The following TMEM131L variants were observed in gnomAD, a reference collection of about 807,000 sequenced individuals.
TMEM131L encodes transmembrane 131 like.
TMEM131L carries 54 observed loss-of-function variants against 192.2 expected under a neutral mutation model. The ratio of observed to expected loss-of-function variants is 0.28; its 90% CI spans 0.23 to 0.35. TMEM131L has a LOEUF of 0.35. Among genes scored for constraint, TMEM131L ranks in the 10% least tolerant of loss-of-function variants. The pLI, the probability that TMEM131L is intolerant of heterozygous loss-of-function variation, is 1.00. For synonymous variants in TMEM131L, 701 were observed against 704.9 expected (o/e 0.99, Z 0.09); for missense variants, 1,888 against 1,972.9 (o/e 0.96, Z 0.82).
chr4:153,467,353 C>CCCA lies in TMEM131L; in HGVS notation c.195+75_195+77dup, dbSNP rs1730836703. 3 of 1,333,332 alleles carry CCCA rather than the reference C, an allele frequency of 2.3e-6. No homozygotes were observed. The East Asian group carries it at 7.5e-5, about 33-fold the overall frequency. The allele number at this position is 1,333,332 out of a possible 1,614,324, so 82.6% of individuals were successfully genotyped here. A position where few individuals can be genotyped will look rare whatever the true frequency, so the allele number is the denominator to read the frequency against. On this transcript the variant is annotated intron_variant, in intron 2 of 34. Coordinates refer to ENST00000409959, the MANE Select transcript of TMEM131L (RefSeq NM_001131007.2). ...AGAGGCGGGGAGGCCCCCGGTCCTC[C>CCCA]CCACCCCCTGTCCAAGCGGCACAGG...
At chr4:153,614,458 G>C (rs1055284888) in intron 26 of TMEM131L, among the ~76,000 whole-genome samples, 1 of 152,146 alleles carries the variant, frequency 6.6e-6, no homozygotes, top group Non-Finnish European at 1.5e-5. Context: ...TTGGCCTGAC[G>C]ATTGCTGCTT....
intron 9 of TMEM131L, 82 bp downstream of exon 9, chr4:153,581,642 C>G: frequency 2.1e-6 from 2 of 936,012 alleles, no homozygotes; most frequent in Non-Finnish European, 2.9e-6. Context: ...CAGATTGTAT[C>G]ATAGCAAACC....
intron 17 of TMEM131L, among the ~76,000 whole-genome samples, chr4:153,591,547 T>A (rs1046325924): frequency 6.6e-6 from 1 of 152,124 alleles, no homozygotes; most frequent in Non-Finnish European, 1.5e-5. Flanking sequence ...GGACTGAGGC[T>A]CCCCTCCCTG....
chr4:153,601,884 G>A lies in TMEM131L; in HGVS notation c.2267-268G>A, dbSNP rs943102121. The A allele has an allele frequency of 7.5e-5, 17 of 226,520 alleles. No homozygotes were observed. The Admixed American group carries it at 8.4e-4, about 11-fold the overall frequency. The allele number at this position is 226,520 out of a possible 1,614,324, so 14.0% of individuals were successfully genotyped here. On this transcript the variant is annotated intron_variant, in intron 21 of 34. Coordinates refer to ENST00000409959, the MANE Select transcript of TMEM131L (RefSeq NM_001131007.2). ...TAACAAGTAAAGGGACCAAAGAAGAGATTTTAGTTACTTTTTGTATCTTGG... is the reference window on the plus strand; with the variant it reads ...TAACAAGTAAAGGGACCAAAGAAGAAATTTTAGTTACTTTTTGTATCTTGG...
chr4:153,585,414 G>T, intron 12 of TMEM131L, 44 bp from the exon 13 acceptor site: 1 of 1,598,468 alleles, frequency 6.3e-7, no homozygotes, highest in Non-Finnish European at 8.5e-7. Context: ...GCTGACTGTT[G>T]TCCCACACTC....
chr4:153,602,041 TAG>T, intron 21 of TMEM131L, 109 bp from the exon 22 acceptor site: 1 of 625,626 alleles, frequency 1.6e-6, no homozygotes, highest in Non-Finnish European at 2.6e-6. Flanking sequence ...TTTCGCATTT[TAG>T]TAATGTAGAT....
chr4:153,480,952 T>A (rs946514653), intron 3 of TMEM131L, among the ~76,000 whole-genome samples: 6 of 152,346 alleles, frequency 3.9e-5, no homozygotes, highest in Non-Finnish European at 7.3e-5. Context: ...CACCCCATCC[T>A]GTTCTCCTCA....
chr4:153,591,279 G>A (rs1419804968), intron 17 of TMEM131L, 85 bp downstream of exon 17: 1 of 1,346,618 alleles, frequency 7.4e-7, no homozygotes, highest in East Asian at 2.7e-5. Flanking sequence ...TCCACCTTTA[G>A]CTACCATTTC....
chr4:153,545,360 T>C (rs1737095789), intron 3 of TMEM131L, among the ~76,000 whole-genome samples: 1 of 149,490 alleles, frequency 6.7e-6, no homozygotes, highest in South Asian at 2.1e-4. Flanking sequence ...CGATCCCGAC[T>C]CACTGAAAGC....
chr4:153,575,195 A>AT (rs1468858971), intron 7 of TMEM131L, among the ~76,000 whole-genome samples: 5 of 152,134 alleles, frequency 3.3e-5, no homozygotes, highest in Non-Finnish European at 7.4e-5. Context: ...TTCCTGTTTA[A>AT]TTGCACACAG....
chr4:153,629,028 CA>C (rs1734037983), intron 31 of TMEM131L, among the ~76,000 whole-genome samples: 1 of 152,184 alleles, frequency 6.6e-6, no homozygotes, highest in Non-Finnish European at 1.5e-5. Flanking sequence ...TTGTTACAGT[CA>C]TTTCCTCGAC....
chr4:153,479,908 T>G (rs977682649), intron 3 of TMEM131L, among the ~76,000 whole-genome samples: 3 of 152,250 alleles, frequency 2.0e-5, no homozygotes, highest in Non-Finnish European at 2.9e-5. Flanking sequence ...TTTTCTTTGT[T>G]ATTCAGAAAT....
intron 2 of TMEM131L, among the ~76,000 whole-genome samples, chr4:153,473,594 A>G (rs1462350136): frequency 1.3e-5 from 2 of 152,110 alleles, no homozygotes; most frequent in African/African-American, 4.8e-5. Flanking sequence ...GAGTTTGAGA[A>G]CAGCCTGGCC....
At chr4:153,510,040 G>A (rs566366465) in intron 3 of TMEM131L, among the ~76,000 whole-genome samples, 14 of 152,304 alleles carry the variant, frequency 9.2e-5, no homozygotes, top group African/African-American at 3.4e-4. Context: ...TCGAGTGAAA[G>A]TGTATAGAAG....
At position 153,602,186 on chromosome 4, in the gene TMEM131L, A is replaced by G; in HGVS notation, c.2301A>G (p.Thr767=). 1 of 1,607,080 alleles carries G rather than the reference A, an allele frequency of 6.2e-7. No homozygotes were observed. The highest frequency in any genetic ancestry group is 8.5e-7 in the Non-Finnish European group (1 of 1,177,210). Residue 767 remains threonine, a synonymous_variant, in exon 22 of 35, where the codon ACA becomes ACG. Coordinates refer to ENST00000409959, the MANE Select transcript of TMEM131L (RefSeq NM_001131007.2). ...ACAGTAAGCAAATTTTATCTATTAC[A>G]AAGAACTTTAAAGTTGAGAATATTG... ...LKDSKQILSI[T]KNFKVENIGP...
At chr4:153,537,534 A>G (rs539098568) in intron 3 of TMEM131L, among the ~76,000 whole-genome samples, 173 of 152,236 alleles carry the variant, frequency 1.1e-3, no homozygotes, top group Admixed American at 2.3e-3. Flanking sequence ...TTTTGACCGT[A>G]TAGGGTAACA....
chr4:153,532,256 G>A (rs1248430899), intron 3 of TMEM131L, among the ~76,000 whole-genome samples: 1 of 152,162 alleles, frequency 6.6e-6, no homozygotes, highest in African/African-American at 2.4e-5. Flanking sequence ...TCTGCATATG[G>A]CATTTTCATT....
intron 28 of TMEM131L, among the ~76,000 whole-genome samples, chr4:153,622,082 C>G (rs939455079): frequency 1.6e-4 from 25 of 152,326 alleles, no homozygotes; most frequent in Admixed American, 8.5e-4. Context: ...CCAGTCGCAA[C>G]TATCCTCAGG....
chr4:153,611,903 G>C (rs1732642636), intron 25 of TMEM131L, among the ~76,000 whole-genome samples: 1 of 152,104 alleles, frequency 6.6e-6, no homozygotes, highest in Admixed American at 6.5e-5. Context: ...CATGCTGAAT[G>C]GTATTCTGTT....
Sources: gnomAD v4.1 joint callset for allele counts (sites outside exome capture counted in the v4.1 genomes callset) on GRCh38, gnomAD v4.1.1 for gene constraint, MANE v1.5 for transcripts, NCBI Gene and HGNC (gene_info 2026-07-23, HGNC 2026-07-21) for gene names.